The following PTPRD variants were observed in gnomAD, a reference collection of about 807,000 sequenced individuals.
PTPRD encodes the protein receptor-type tyrosine-protein phosphatase delta.
Under a neutral mutation model 214.5 loss-of-function variants are expected in PTPRD, and 34 were observed. The ratio of observed to expected loss-of-function variants is 0.16; its 90% CI spans 0.12 to 0.21. PTPRD has a LOEUF of 0.21. PTPRD is among the 10% of genes least tolerant of loss of function. The pLI is 1.00. For synonymous variants in PTPRD, 1,128 were observed against 845.7 expected (o/e 1.33, Z -5.79); for missense variants, 2,545 against 2,398.7 (o/e 1.06, Z -1.27).
intron 43 of PTPRD, among the ~76,000 whole-genome samples, chr9:8,333,691 T>C (rs1843702585): frequency 6.6e-6 from 1 of 152,136 alleles, no homozygotes; most frequent in South Asian, 2.1e-4. Context: ...AGAATCAAAT[T>C]TGCATATAAC....
chr9:9,951,474 A>G (rs12552674), intron 4 of PTPRD, among the ~76,000 whole-genome samples: 9,460 of 152,240 alleles, frequency 0.062, 660 homozygotes, highest in East Asian at 0.24. Flanking sequence ...TGTCCTAGGG[A>G]GGGACACTTG....
Position 8,914,313 on chromosome 9 carries a change from G to T in PTPRD, c.-104+104384C>A, listed in dbSNP as rs143639519. 3.8e-4 allele frequency among the ~76,000 whole-genome samples: 58 copies of T among 152,130 alleles called. 1 individual carries two copies. Among genetic ancestry groups the T allele is most frequent in the African/African-American group, 1.2e-3 (51 of 41,546 alleles). On this transcript the variant is annotated intron_variant, in intron 11 of 45. Transcript: ENST00000381196. ...TCAAATTAAGCAAAATATTTTGTGT[G>T]AACTAAAATTTGTTCTTACCAAATA...
chr9:8,490,920 T>C (rs765361202), intron 27 of PTPRD, among the ~76,000 whole-genome samples: 3 of 152,220 alleles, frequency 2.0e-5, no homozygotes, highest in Non-Finnish European at 4.4e-5. Context: ...TTTACAATTA[T>C]GGTTATTAGG....
chr9:9,720,435 G>A (rs1227174133), intron 7 of PTPRD, among the ~76,000 whole-genome samples: 1 of 152,090 alleles, frequency 6.6e-6, no homozygotes, highest in African/African-American at 2.4e-5. Flanking sequence ...ATGTCACTAG[G>A]CGTTTTACAT....
chr9:9,813,480 A>ATT (rs1292587098), intron 5 of PTPRD, among the ~76,000 whole-genome samples: 2 of 152,084 alleles, frequency 1.3e-5, no homozygotes, highest in East Asian at 3.9e-4. Context: ...AGATTATAGC[A>ATT]GGTTATTAAC....
At chr9:9,387,002 A>G (rs977206255) in intron 9 of PTPRD, among the ~76,000 whole-genome samples, 3 of 152,214 alleles carry the variant, frequency 2.0e-5, no homozygotes, top group African/African-American at 7.2e-5. Flanking sequence ...GAGAAATAAC[A>G]TAACTTATTT....
intron 20 of PTPRD, among the ~76,000 whole-genome samples, chr9:8,518,949 A>G (rs1190571282): frequency 6.6e-6 from 1 of 152,224 alleles, no homozygotes; most frequent in Non-Finnish European, 1.5e-5. Context: ...AATAAATGGT[A>G]TAACTGAAAT....
At chr9:10,472,899 T>C (rs1194786484) in intron 2 of PTPRD, among the ~76,000 whole-genome samples, 2 of 152,024 alleles carry the variant, frequency 1.3e-5, no homozygotes, top group East Asian at 1.9e-4. Flanking sequence ...AAAAAAATTA[T>C]AGTATTTAAA....
intron 5 of PTPRD, among the ~76,000 whole-genome samples, chr9:9,854,653 C>T (rs1433535487): frequency 6.6e-6 from 1 of 152,026 alleles, no homozygotes; most frequent in East Asian, 1.9e-4. Flanking sequence ...CATATTTTTA[C>T]TTGTTTTTGA....
intron 10 of PTPRD, among the ~76,000 whole-genome samples, chr9:9,042,074 T>C (rs577033326): frequency 1.3e-5 from 2 of 152,302 alleles, no homozygotes; most frequent in African/African-American, 2.4e-5. Flanking sequence ...GGTCTGGCTA[T>C]TGTGACTAGA....
intron 19 of PTPRD, among the ~76,000 whole-genome samples, chr9:8,522,840 G>C (rs978466297): frequency 4.0e-5 from 6 of 151,720 alleles, no homozygotes; most frequent in African/African-American, 1.5e-4. Context: ...ATTTAATAAA[G>C]ATTTTTTAAA....
chr9:9,460,686 G>C (rs537492511), intron 8 of PTPRD, among the ~76,000 whole-genome samples: 37 of 152,226 alleles, frequency 2.4e-4, no homozygotes, highest in African/African-American at 8.7e-4. Context: ...TGTTGGCAAA[G>C]ATGTGGAGAA....
At chr9:10,487,669 A>AGGGAGG (rs1291245127) in intron 2 of PTPRD, among the ~76,000 whole-genome samples, 2 of 150,386 alleles carry the variant, frequency 1.3e-5, no homozygotes, top group Non-Finnish European at 1.5e-5. Flanking sequence ...ACATGGACAC[A>AGGGAGG]GGGAGGGGAA....
chr9:10,520,051 G>A (rs1189201270), intron 2 of PTPRD, among the ~76,000 whole-genome samples: 2 of 152,072 alleles, frequency 1.3e-5, no homozygotes, highest in Non-Finnish European at 2.9e-5. Context: ...CAAGTAAAAG[G>A]AAGAGTCCCA....
chr9:9,083,870 T>G (rs1254271079), intron 10 of PTPRD, among the ~76,000 whole-genome samples: 2 of 152,118 alleles, frequency 1.3e-5, no homozygotes, highest in Non-Finnish European at 2.9e-5. Flanking sequence ...CTCACACCAG[T>G]TAGAATGGTG....
chr9:9,394,668 A>G (rs2067087957), intron 9 of PTPRD, among the ~76,000 whole-genome samples: 1 of 152,104 alleles, frequency 6.6e-6, no homozygotes, highest in Admixed American at 6.6e-5. Context: ...TATTATCATT[A>G]TCTTGTTATA....
intron 3 of PTPRD, among the ~76,000 whole-genome samples, chr9:10,179,947 C>T (rs934647081): frequency 2.0e-5 from 3 of 151,828 alleles, no homozygotes; most frequent in African/African-American, 7.3e-5. Context: ...GAAAGGAAGT[C>T]TTAAAAAGGG....
intron 12 of PTPRD, among the ~76,000 whole-genome samples, chr9:8,675,534 CACACAA>C (rs1399026253): frequency 2.7e-5 from 2 of 73,800 alleles, no homozygotes; most frequent in East Asian, 3.9e-4. Context: ...CACACACACA[CACACAA>C]AAAAAAAAAA....
chr9:8,615,528 G>C (rs915628693), intron 14 of PTPRD, among the ~76,000 whole-genome samples: 3 of 151,986 alleles, frequency 2.0e-5, no homozygotes, highest in Non-Finnish European at 4.4e-5. Flanking sequence ...TTTAAAAGGT[G>C]AATTATATGT....
Sources: gnomAD v4.1 joint callset for allele counts (sites outside exome capture counted in the v4.1 genomes callset) on GRCh38, gnomAD v4.1.1 for gene constraint, MANE v1.5 for transcripts, NCBI Gene and HGNC (gene_info 2026-07-23, HGNC 2026-07-21) for gene names.